CYSTM1: variants seen among roughly 807,000 people sequenced by gnomAD.
The protein encoded by CYSTM1 is cysteine-rich transmembrane module-containing protein 1.
CYSTM1 carries 4 observed loss-of-function variants against 13.1 expected under a neutral mutation model. That is an observed-to-expected ratio of 0.31 (90% CI 0.15 to 0.70). The LOEUF is 0.70. Among genes scored for constraint, CYSTM1 ranks in the 30% least tolerant of loss-of-function variants. CYSTM1 has a pLI of 0.72. For synonymous variants in CYSTM1, 36 were observed against 42.7 expected (o/e 0.84, Z 0.62); for missense variants, 96 against 121.6 (o/e 0.79, Z 0.99).
At chr5:140,179,257 C>T (rs796388233) in intron 1 of CYSTM1, among the ~76,000 whole-genome samples, 4 of 138,640 alleles carry the variant, frequency 2.9e-5, no homozygotes, top group Admixed American at 7.3e-5. Context: ...GACATCTTGT[C>T]GCTTAAAAAA....
At chr5:140,214,069 A>T (rs1347136660) in intron 2 of CYSTM1, among the ~76,000 whole-genome samples, 4 of 152,202 alleles carry the variant, frequency 2.6e-5, no homozygotes, top group African/African-American at 9.7e-5. Context: ...AAAGCAGATG[A>T]GAATGGTTTT....
chr5:140,178,382 A>G (rs1156909961), intron 1 of CYSTM1, among the ~76,000 whole-genome samples: 1 of 150,284 alleles, frequency 6.7e-6, no homozygotes, highest in Admixed American at 6.7e-5. Context: ...GATGTGATAA[A>G]AGTTTTTTAA....
At chr5:140,229,250 A>C (rs1656211603) in intron 2 of CYSTM1, among the ~76,000 whole-genome samples, 1 of 152,000 alleles carries the variant, frequency 6.6e-6, no homozygotes, top group South Asian at 2.1e-4. Context: ...GCTGGAGTGC[A>C]GTGGCGTGAT....
Position 140,176,986 on chromosome 5 carries a change from G to A in CYSTM1, c.-21+1701G>A, listed in dbSNP as rs533614752. Among the ~76,000 whole-genome samples the A allele has an allele frequency of 4.0e-5, 6 of 149,220 alleles. No homozygotes were observed. The South Asian group carries it at 1.3e-3, about 31-fold the overall frequency. On this transcript the variant is annotated intron_variant, in intron 1 of 2. Transcript: ENST00000261811. The stretch of plus-strand genomic sequence containing the variant: ...CGGGAGGCTGAGGCAGGAGAATGGC[G>A]TGAACCCGGGAGGTGGAGCTTGCAG...
chr5:140,234,111 A>G (rs1397023066), intron 2 of CYSTM1, among the ~76,000 whole-genome samples: 10 of 152,228 alleles, frequency 6.6e-5, no homozygotes, highest in Admixed American at 4.6e-4. Context: ...ATTGAGATCT[A>G]TAATCCACTT....
At chr5:140,177,632 C>G (rs1228204353) in intron 1 of CYSTM1, among the ~76,000 whole-genome samples, 1 of 152,124 alleles carries the variant, frequency 6.6e-6, no homozygotes, top group African/African-American at 2.4e-5. Flanking sequence ...ACGGGACTTC[C>G]AGTCAGATCA....
chr5:140,202,510 A>G (rs1764245345), intron 2 of CYSTM1: 1 of 152,272 alleles, frequency 6.6e-6, no homozygotes, highest in Non-Finnish European at 1.5e-5. Context: ...TAATTTGGAC[A>G]GGGCTTGAGC....
At chr5:140,216,334 T>C (rs184067160) in intron 2 of CYSTM1, among the ~76,000 whole-genome samples, 1 of 152,282 alleles carries the variant, frequency 6.6e-6, no homozygotes, top group African/African-American at 2.4e-5. Context: ...AAATTTTACA[T>C]AAATTGATTA....
chr5:140,234,580 T>C (rs1764656804), intron 2 of CYSTM1, among the ~76,000 whole-genome samples: 1 of 152,238 alleles, frequency 6.6e-6, no homozygotes, highest in Non-Finnish European at 1.5e-5. Flanking sequence ...ATTCATTTGC[T>C]GGGTTGTAAT....
chr5:140,221,463 C>T (rs572750878), intron 2 of CYSTM1, among the ~76,000 whole-genome samples: 1 of 152,354 alleles, frequency 6.6e-6, no homozygotes, highest in Admixed American at 6.5e-5. Context: ...TAAGTGGAAT[C>T]ATATAGTATT....
intron 1 of CYSTM1, among the ~76,000 whole-genome samples, chr5:140,180,008 T>G (rs1261893945): frequency 6.6e-6 from 1 of 152,156 alleles, no homozygotes; most frequent in Admixed American, 6.5e-5. Context: ...GTCTTGGCTT[T>G]TTTTGGAGTG....
chr5:140,176,368 T>C (rs1472704953), intron 1 of CYSTM1, among the ~76,000 whole-genome samples: 3 of 152,150 alleles, frequency 2.0e-5, no homozygotes, highest in African/African-American at 7.2e-5. Context: ...TTTTTAGAAA[T>C]TAAACAAAAA....
At chr5:140,203,267 A>G (rs1286286946) in intron 2 of CYSTM1, 3 of 152,248 alleles carry the variant, frequency 2.0e-5, no homozygotes, top group Non-Finnish European at 4.4e-5. Flanking sequence ...CATTGCAAAG[A>G]TAATACAAAT....
intron 2 of CYSTM1, among the ~76,000 whole-genome samples, chr5:140,218,500 T>C (rs1362437924): frequency 2.6e-5 from 4 of 152,216 alleles, no homozygotes; most frequent in Non-Finnish European, 4.4e-5. Flanking sequence ...AATAAGGGAA[T>C]AGGTACTAAT....
At chr5:140,176,144 G>A (rs1385163459) in intron 1 of CYSTM1, among the ~76,000 whole-genome samples, 1 of 152,142 alleles carries the variant, frequency 6.6e-6, no homozygotes, top group African/African-American at 2.4e-5. Context: ...GTGTGCTGTG[G>A]GGAGCCATTG....
chr5:140,176,105 G>A (rs984221292), intron 1 of CYSTM1, among the ~76,000 whole-genome samples: 4 of 152,286 alleles, frequency 2.6e-5, no homozygotes, highest in East Asian at 1.9e-4. Context: ...ATTAGGAAAG[G>A]ACCCTTGAGT....
At chr5:140,234,641 G>T (rs1173261697) in intron 2 of CYSTM1, among the ~76,000 whole-genome samples, 7 of 152,172 alleles carry the variant, frequency 4.6e-5, no homozygotes, top group Non-Finnish European at 1.0e-4. Context: ...GTCTTTGGAA[G>T]TTGGCAGTAA....
At chr5:140,204,007 G>C (rs1338499565) in intron 2 of CYSTM1, among the ~76,000 whole-genome samples, 2 of 152,096 alleles carry the variant, frequency 1.3e-5, no homozygotes, top group African/African-American at 2.4e-5. Flanking sequence ...CCTCTTTTTA[G>C]AGACATTTAA....
rs1561485180 is a variant in CYSTM1, at chr5:140,239,600, C to T, written c.188-3705C>T. On this transcript the variant is annotated intron_variant, in intron 2 of 2. Transcript: ENST00000261811. The surrounding 1 kb of genome is among the most constrained non-coding windows in gnomAD (Gnocchi z 5.4). ...TGCTCAGCTCTTCCCAAAGCTGCTGCGCACCTGAGACCCAGGGCTTCCTGG... is the reference window on the plus strand; with the variant it reads ...TGCTCAGCTCTTCCCAAAGCTGCTGTGCACCTGAGACCCAGGGCTTCCTGG... Among the ~76,000 whole-genome samples, 1 of 152,222 alleles carries T rather than the reference C, an allele frequency of 6.6e-6. No individual in the cohort carries two copies. The highest frequency in any genetic ancestry group is 2.1e-4 in the South Asian group (1 of 4,836).
Sources: gnomAD v4.1 joint callset for allele counts (sites outside exome capture counted in the v4.1 genomes callset) on GRCh38, gnomAD v4.1.1 for gene constraint, Gnocchi (gnomAD v3.1) non-coding constraint, MANE v1.5 for transcripts, NCBI Gene and HGNC (gene_info 2026-07-23, HGNC 2026-07-21) for gene names.